USP30: variants seen among roughly 807,000 people sequenced by gnomAD.
USP30 encodes the protein ubiquitin specific peptidase 30.
A neutral mutation model predicts 68.2 loss-of-function variants in USP30; 41 were observed. The ratio of observed to expected loss-of-function variants is 0.60; its 90% CI spans 0.47 to 0.78. The LOEUF (loss-of-function observed/expected upper bound fraction) is 0.78, where lower values mean the gene tolerates loss of function less well. Ranked by LOEUF, USP30 falls within the 30% of genes least tolerant of loss-of-function variation. USP30 has a pLI of 0.00. For synonymous variants in USP30, 229 were observed against 253.7 expected, an observed-to-expected ratio of 0.90 and a Z score of 0.93; for missense variants, 522 against 649.4, an observed-to-expected ratio of 0.80 and a Z score of 2.13.
intron 3 of USP30, among the ~76,000 whole-genome samples, chr12:109,065,009 T>A (rs1053676414): frequency 2.6e-5 from 4 of 152,210 alleles, no homozygotes; most frequent in African/African-American, 9.7e-5. Flanking sequence ...AAGCCTGGAC[T>A]TTATTATTAT....
intron 3 of USP30, among the ~76,000 whole-genome samples, chr12:109,046,162 G>A (rs929656229): frequency 3.5e-5 from 5 of 141,526 alleles, no homozygotes; most frequent in Admixed American, 7.5e-5. Flanking sequence ...GTGCAGTGGC[G>A]CGATCTTGGC....
intron 3 of USP30, among the ~76,000 whole-genome samples, chr12:109,061,410 AT>A (rs1298832604): frequency 0.014 from 443 of 32,772 alleles, 2 homozygotes; most frequent in African/African-American, 0.035. Flanking sequence ...AAAAAAAAAA[AT>A]TTTTTTTTTT....
rs183420939 is a variant in USP30, at chr12:109,040,123, G to A, written c.-135-7467G>A. Among the ~76,000 whole-genome samples the A allele has an allele frequency of 1.6e-3, 240 of 151,898 alleles. 1 individual carries two copies. The highest frequency in any genetic ancestry group is 5.5e-3 in the African/African-American group (228 of 41,364). On this transcript the variant is annotated intron_variant, in intron 3 of 15. Coordinates refer to the USP30 transcript ENST00000392784. ...TATAAAGAACATTTAAAATATTTAT[G>A]TGCCACAGGTTGATGAATAAAATAG...
intron 7 of USP30, among the ~76,000 whole-genome samples, chr12:109,077,960 C>G (rs1449464214): frequency 6.6e-6 from 1 of 152,008 alleles, no homozygotes; most frequent in Non-Finnish European, 1.5e-5. Flanking sequence ...AGCCTTTGTG[C>G]TATTATACAT....
At chr12:109,035,342 G>A (rs1193694595) in intron 3 of USP30, among the ~76,000 whole-genome samples, 1 of 146,526 alleles carries the variant, frequency 6.8e-6, no homozygotes, top group African/African-American at 2.5e-5. Flanking sequence ...ATTTCAATTT[G>A]TTTATTTATT....
intron 9 of USP30, 137 bp from the exon 10 acceptor site, chr12:109,082,526 A>G (rs2041833902): frequency 2.8e-6 from 2 of 726,154 alleles, no homozygotes; most frequent in Admixed American, 2.8e-5. Context: ...TTCACAAATA[A>G]CTGGGCAGCT....
chr12:109,047,255 C>G (rs945245340), intron 3 of USP30, among the ~76,000 whole-genome samples: 2 of 152,060 alleles, frequency 1.3e-5, no homozygotes, highest in African/African-American at 2.4e-5. Flanking sequence ...ACACTTCATC[C>G]TCTTCTGGCC....
At chr12:109,051,351 G>A (rs1228758121), upstream of USP30, among the ~76,000 whole-genome samples, 1 of 146,798 alleles carries the variant, frequency 6.8e-6, no homozygotes, top group Non-Finnish European at 1.5e-5. Flanking sequence ...CCGCCTCCCA[G>A]GTTCTAGCGA....
intron 9 of USP30, 46 bp downstream of exon 9, chr12:109,082,065 C>T: frequency 6.3e-7 from 1 of 1,592,486 alleles, no homozygotes; most frequent in East Asian, 2.2e-5. Context: ...CCTGTGTGTG[C>T]TGATGTAGCG....
rs1398071080 is a variant in USP30 at position 109,052,634 on chromosome 12, C to CGGCGGT, written c.-44_-39dup. 4 of 1,450,876 alleles carry CGGCGGT rather than the reference C, an allele frequency of 2.8e-6. No individual in the cohort carries two copies. Among genetic ancestry groups the CGGCGGT allele is most frequent in the South Asian group, 1.3e-5 (1 of 74,178 alleles). 89.9% of individuals were successfully genotyped at this position (1,450,876 alleles called of 1,614,324 possible). ...GTATCCCTCGGTCCGGCGGCGGCGG[C>CGGCGGT]GGCGGTAGCGGAGGAGACGGTTTCA... On this transcript the variant is annotated 5_prime_UTR_variant, in exon 1 of 13. Transcript: ENST00000257548.
intron 3 of USP30, among the ~76,000 whole-genome samples, chr12:109,067,107 ATT>A (rs754748366): frequency 2.9e-4 from 30 of 104,574 alleles, no homozygotes; most frequent in East Asian, 1.1e-3. Flanking sequence ...ACAGTCCTTA[ATT>A]TTTTTTTTTT....
At chr12:109,062,294 G>A (rs1460795399) in intron 3 of USP30, among the ~76,000 whole-genome samples, 22 of 147,792 alleles carry the variant, frequency 1.5e-4, no homozygotes, top group Admixed American at 1.3e-3. Context: ...TTAGAGAAGC[G>A]TCCATTTTAG....
intron 3 of USP30, among the ~76,000 whole-genome samples, chr12:109,044,507 C>T (rs1351707266): frequency 1.3e-5 from 2 of 151,712 alleles, no homozygotes; most frequent in African/African-American, 2.4e-5. Flanking sequence ...CACAAAGGCT[C>T]GTGTCTGTAG....
intron 1 of USP30, among the ~76,000 whole-genome samples, chr12:109,054,336 T>C (rs573820263): frequency 1.6e-4 from 25 of 152,014 alleles, no homozygotes; most frequent in African/African-American, 5.5e-4. Context: ...GCCTGGGCAA[T>C]GTAGTGAGAC....
rs1010003005 is a variant in USP30 at position 109,072,406 on chromosome 12, A to C, written c.625+56A>C. On this transcript the variant is annotated intron_variant, in intron 6 of 12. Coordinates refer to ENST00000257548, the MANE Select transcript of USP30 (RefSeq NM_032663.5). Reference sequence around the variant, plus strand: ...AAGATGTGGACTTTTAAGATATGATAATAATTTGCTTGTTTTAAAAAGATT... The same window carrying C: ...AAGATGTGGACTTTTAAGATATGATCATAATTTGCTTGTTTTAAAAAGATT... The C allele has an allele frequency of 2.0e-5, 31 of 1,549,792 alleles. No homozygotes were observed. The Admixed American group carries it at 2.8e-4, about 14-fold the overall frequency.
At chr12:109,059,605 C>G (rs756885756) in intron 3 of USP30, among the ~76,000 whole-genome samples, 2 of 152,176 alleles carry the variant, frequency 1.3e-5, no homozygotes, top group Admixed American at 6.5e-5. Flanking sequence ...CCTCCGCCTC[C>G]CGGGTTCAAG....
chr12:109,069,451 G>A (rs977905431), intron 4 of USP30, among the ~76,000 whole-genome samples: 1 of 152,242 alleles, frequency 6.6e-6, no homozygotes, highest in African/African-American at 2.4e-5. Context: ...GAGTCCCTCA[G>A]GGGCTAGAGC....
chr12:109,040,249 G>A (rs2040554505), intron 3 of USP30, among the ~76,000 whole-genome samples: 1 of 152,112 alleles, frequency 6.6e-6, no homozygotes, highest in South Asian at 2.1e-4. Context: ...TTAAGGAAGT[G>A]ATTAGAGAAA....
At chr12:109,026,912 G>A (rs377661586) in intron 2 of USP30, among the ~76,000 whole-genome samples, 9 of 152,160 alleles carry the variant, frequency 5.9e-5, no homozygotes, top group Non-Finnish European at 8.8e-5. Context: ...TGGCACATAA[G>A]CATAAAGAGA....
Sources: allele counts gnomAD v4.1 joint callset (sites outside exome capture counted in the v4.1 genomes callset), GRCh38; gene constraint gnomAD v4.1.1; transcripts MANE v1.5; gene names NCBI Gene and HGNC (gene_info 2026-07-23, HGNC 2026-07-21).